The following PACSIN1 variants were observed in gnomAD, a reference collection of about 807,000 sequenced individuals.
PACSIN1 encodes the protein protein kinase C and casein kinase substrate in neurons protein 1.
PACSIN1 carries 15 observed loss-of-function variants against 59.5 expected under a neutral mutation model. The observed-to-expected ratio is 0.25, with a 90% CI of 0.17 to 0.39. PACSIN1 has a LOEUF of 0.39. Among genes scored for constraint, PACSIN1 ranks in the 10% least tolerant of loss-of-function variants. The pLI is 1.00. For missense variants in PACSIN1, 420 were observed against 580.2 expected (o/e 0.72, Z 2.84); for synonymous variants, 210 against 220.6 (o/e 0.95, Z 0.42).
In PACSIN1 at chr6:34,528,956, A is replaced by G. The variant is rs1009533336; in HGVS notation, c.456+79A>G. On this transcript the variant is annotated intron_variant, in intron 4 of 9. Transcript: ENST00000244458. ...GGTGCTGATCCCAGGGAGGGCATCTATGGATGGGTGGGCTGGGCACTGCCC... is the reference window on the plus strand; with the variant it reads ...GGTGCTGATCCCAGGGAGGGCATCTGTGGATGGGTGGGCTGGGCACTGCCC... 5.3e-6 allele frequency: 6 copies of G among 1,127,260 alleles called. No individual in the cohort carries two copies. In the South Asian group the frequency reaches 5.3e-5, roughly 10 times the overall value. The allele number at this position is 1,127,260 out of a possible 1,614,324, so 69.8% of individuals were successfully genotyped here.
intron 1 of PACSIN1, among the ~76,000 whole-genome samples, chr6:34,497,065 C>T (rs2127255959): frequency 6.8e-6 from 1 of 147,638 alleles, no homozygotes. Context: ...TCTCATGGTT[C>T]AGCCTCCCAA....
At chr6:34,492,024 G>A (rs538270741) in intron 1 of PACSIN1, among the ~76,000 whole-genome samples, 10 of 152,100 alleles carry the variant, frequency 6.6e-5, no homozygotes, top group African/African-American at 1.2e-4. Context: ...GTTTTTCTCC[G>A]GGTATATACC....
intron 1 of PACSIN1, among the ~76,000 whole-genome samples, chr6:34,497,925 T>G (rs1312644127): frequency 1.3e-5 from 2 of 152,158 alleles, no homozygotes. Flanking sequence ...AAGATTTCAG[T>G]GTAGTAGACA....
chr6:34,482,191 A>T (rs1766729147), intron 1 of PACSIN1, among the ~76,000 whole-genome samples: 1 of 151,988 alleles, frequency 6.6e-6, no homozygotes, highest in Admixed American at 6.6e-5. Context: ...GATTCAAGCG[A>T]TTCTCCTGCC....
intron 1 of PACSIN1, among the ~76,000 whole-genome samples, chr6:34,498,068 G>GTTTGT (rs934727334): frequency 1.3e-5 from 2 of 151,964 alleles, no homozygotes; most frequent in Admixed American, 6.6e-5. Context: ...TTGTTTGTTT[G>GTTTGT]TTTGTTTGTT....
intron 1 of PACSIN1, among the ~76,000 whole-genome samples, chr6:34,508,325 G>A (rs1361853584): frequency 2.0e-5 from 3 of 152,078 alleles, no homozygotes; most frequent in African/African-American, 4.8e-5. Flanking sequence ...GGCTGTTCTC[G>A]AACTCCTGAC....
chr6:34,479,204 C>T (rs1353388488), intron 1 of PACSIN1, among the ~76,000 whole-genome samples: 1 of 152,084 alleles, frequency 6.6e-6, no homozygotes, highest in African/African-American at 2.4e-5. Context: ...ACCATAGCAA[C>T]ATTTTAACAA....
intron 1 of PACSIN1, among the ~76,000 whole-genome samples, chr6:34,475,546 C>G (rs772753029): frequency 6.6e-6 from 1 of 152,180 alleles, no homozygotes; most frequent in Non-Finnish European, 1.5e-5. Context: ...GACAAGGGGC[C>G]AGGCCTTTGT....
intron 1 of PACSIN1, among the ~76,000 whole-genome samples, chr6:34,497,612 T>C (rs1766967145): frequency 6.6e-6 from 1 of 152,170 alleles, no homozygotes. Context: ...TCTCTGATTC[T>C]GTGAACAGAC....
intron 1 of PACSIN1, among the ~76,000 whole-genome samples, chr6:34,484,918 G>A (rs1025693382): frequency 1.8e-4 from 27 of 152,062 alleles, no homozygotes; most frequent in African/African-American, 5.8e-4. Flanking sequence ...TGGATGGGGC[G>A]AAAGTGGGGG....
chr6:34,499,472 A>T (rs1373625794), intron 1 of PACSIN1, among the ~76,000 whole-genome samples: 2 of 151,714 alleles, frequency 1.3e-5, no homozygotes, highest in East Asian at 1.9e-4. Flanking sequence ...TAAATATAAG[A>T]ACTAAATTTT....
In PACSIN1 at chr6:34,484,569, C is replaced by T. The variant is rs566956222; in HGVS notation, c.-64+18299C>T. Among the ~76,000 whole-genome samples, 11 of 152,140 alleles carry T rather than the reference C, an allele frequency of 7.2e-5. No individual in the cohort carries two copies. In the South Asian group the frequency reaches 2.3e-3, roughly 32 times the overall value. On this transcript the variant is annotated intron_variant, in intron 1 of 9. Coordinates refer to ENST00000244458, the MANE Select transcript of PACSIN1 (RefSeq NM_020804.5). ...TGAGTCAAAACCTATAGAATATACA[C>T]CACCAAGAGTGAACCCTAATGTAAA...
chr6:34,506,211 AAAATTTTTCCTTTTTTATTTTTTTG>A (rs1478907546), intron 1 of PACSIN1, among the ~76,000 whole-genome samples: 1 of 151,800 alleles, frequency 6.6e-6, no homozygotes, highest in Non-Finnish European at 1.5e-5. Context: ...TTGGTGTGAC[AAAATTTTTCCTTTTTTATTTTTTTG>A]AGACAGAATC....
intron 1 of PACSIN1, among the ~76,000 whole-genome samples, chr6:34,492,195 C>CTTTTTTTTTTTTTTTTTTTTTT (rs55745060): frequency 1.2e-5 from 1 of 80,182 alleles, no homozygotes. Context: ...CTTTTTTGAC[C>CTTTTTTTTTTTTTTTTTTTTTT]TTTTTTTTTT....
At chr6:34,503,639 A>G (rs1581971582) in intron 1 of PACSIN1, among the ~76,000 whole-genome samples, 1 of 152,362 alleles carries the variant, frequency 6.6e-6, no homozygotes, top group African/African-American at 2.4e-5. Flanking sequence ...TCCACCTTAC[A>G]GCAAGCCCTG....
chr6:34,481,711 T>C (rs528280221), intron 1 of PACSIN1, among the ~76,000 whole-genome samples: 2 of 151,940 alleles, frequency 1.3e-5, no homozygotes, highest in South Asian at 2.1e-4. Context: ...TGCTTTCTGG[T>C]GTGAAGATGT....
At chr6:34,512,173 T>C (rs1456284831) in intron 1 of PACSIN1, among the ~76,000 whole-genome samples, 3 of 151,570 alleles carry the variant, frequency 2.0e-5, no homozygotes, top group South Asian at 4.2e-4. Context: ...CCAGCAGCAG[T>C]TGGGGCCAGA....
chr6:34,504,820 A>G (rs1443594075), intron 1 of PACSIN1, among the ~76,000 whole-genome samples: 1 of 152,058 alleles, frequency 6.6e-6, no homozygotes, highest in Non-Finnish European at 1.5e-5. Context: ...TTATCTGAGA[A>G]TACCTTGATT....
Position 34,530,913 on chromosome 6 carries a change from C to T in PACSIN1, c.1037+326C>T, listed in dbSNP as rs772112790. On this transcript the variant is annotated intron_variant, in intron 8 of 9. Coordinates refer to ENST00000244458, the MANE Select transcript of PACSIN1 (RefSeq NM_020804.5). This position sits in a 1 kb window ranked among gnomAD's most constrained non-coding sequence, Gnocchi z 4.4. ...TGCGCAGTTCACAATAGGGGGGTTG[C>T]GCTCCTATGAGAATCTAACGCCGCG... Among the ~76,000 whole-genome samples the T allele has an allele frequency of 2.0e-5, 3 of 152,162 alleles. No individual in the cohort carries two copies. Among genetic ancestry groups the T allele is most frequent in the Non-Finnish European group, 4.4e-5 (3 of 68,028 alleles).
Sources: allele counts gnomAD v4.1 joint callset (sites outside exome capture counted in the v4.1 genomes callset), GRCh38; gene constraint gnomAD v4.1.1; non-coding constraint Gnocchi (gnomAD v3.1); transcripts MANE v1.5; gene names NCBI Gene and HGNC (gene_info 2026-07-23, HGNC 2026-07-21).